The following GLT1D1 variants were observed in gnomAD, a reference collection of about 807,000 sequenced individuals.
The protein encoded by GLT1D1 is glycosyltransferase 1 domain-containing protein 1.
Under a neutral mutation model 28.7 loss-of-function variants are expected in GLT1D1, and 21 were observed. The ratio of observed to expected loss-of-function variants is 0.73; its 90% confidence interval spans 0.52 to 1.05. GLT1D1 has a LOEUF of 1.05. Among genes scored for constraint, GLT1D1 ranks in the 50% least tolerant of loss-of-function variants. The pLI is 0.00. For missense variants in GLT1D1, 343 were observed against 330.6 expected (o/e 1.04, Z -0.29); for synonymous variants, 147 against 124.8 (o/e 1.18, Z -1.19).
rs150457060 is a variant in GLT1D1 at position 128,953,215 on chromosome 12, A to G, written c.541-4330A>G. 3.9e-5 allele frequency among the ~76,000 whole-genome samples: 6 copies of G among 152,278 alleles called. No individual in the cohort carries two copies. In the East Asian group the frequency reaches 1.2e-3, roughly 29 times the overall value. On this transcript the variant is annotated intron_variant, in intron 6 of 7. Coordinates refer to ENST00000281703, the MANE Select transcript of GLT1D1 (RefSeq NM_144669.3). Reference sequence around the variant, plus strand: ...GAGTTGTAAGAGTTCTTTATATATTATAGATACAAATCTCCTATCAGCCTA... The same window carrying G: ...GAGTTGTAAGAGTTCTTTATATATTGTAGATACAAATCTCCTATCAGCCTA...
chr12:128,962,039 C>A (rs1171068673), intron 7 of GLT1D1, among the ~76,000 whole-genome samples: 10 of 151,270 alleles, frequency 6.6e-5, no homozygotes, highest in Non-Finnish European at 1.5e-4. Context: ...CCACCCTTCC[C>A]AGCACTTGTG....
chr12:128,910,264 C>CTTTTTT (rs11361008), intron 4 of GLT1D1, among the ~76,000 whole-genome samples: 1 of 114,294 alleles, frequency 8.7e-6, no homozygotes, highest in African/African-American at 3.3e-5. Flanking sequence ...AAGTTTAACT[C>CTTTTTT]TTTTTTTTTT....
intron 6 of GLT1D1, among the ~76,000 whole-genome samples, chr12:128,950,294 T>C (rs1013686311): frequency 1.1e-4 from 16 of 152,220 alleles, no homozygotes; most frequent in Non-Finnish European, 2.2e-4. Flanking sequence ...ATTCCATGAT[T>C]GAACACTTCA....
chr12:128,944,871 A>G (rs1351368023), intron 4 of GLT1D1: 1 of 360,908 alleles, frequency 2.8e-6, no homozygotes, highest in Admixed American at 4.3e-5. Flanking sequence ...ATAGGTATAC[A>G]TGTGCCATGG....
chr12:128,897,319 T>A (rs1024684768), intron 3 of GLT1D1, among the ~76,000 whole-genome samples: 1 of 152,200 alleles, frequency 6.6e-6, no homozygotes, highest in Admixed American at 6.5e-5. Context: ...CAATTGCACA[T>A]GTTTCTTCCA....
At chr12:128,907,835 G>A (rs953055151) in intron 4 of GLT1D1, among the ~76,000 whole-genome samples, 1 of 152,122 alleles carries the variant, frequency 6.6e-6, no homozygotes, top group African/African-American at 2.4e-5. Context: ...TCAAATGTGT[G>A]GTACCATCAC....
intron 6 of GLT1D1, among the ~76,000 whole-genome samples, chr12:128,954,637 G>T (rs1198248618): frequency 6.6e-6 from 1 of 152,160 alleles, no homozygotes; most frequent in African/African-American, 2.4e-5. Flanking sequence ...AGGGACAGAT[G>T]TAAATTCTGT....
At chr12:128,951,091 G>A (rs1206201564) in intron 6 of GLT1D1, among the ~76,000 whole-genome samples, 4 of 152,130 alleles carry the variant, frequency 2.6e-5, no homozygotes, top group Non-Finnish European at 5.9e-5. Flanking sequence ...CCATCCCACG[G>A]GGTAGATGTG....
At chr12:128,890,157 T>G (rs1053056765) in intron 3 of GLT1D1, among the ~76,000 whole-genome samples, 1 of 152,210 alleles carries the variant, frequency 6.6e-6, no homozygotes, top group Admixed American at 6.5e-5. Context: ...GCTTTAACCC[T>G]GTAGGGAAAG....
intron 4 of GLT1D1, chr12:128,927,111 A>T: frequency 6.5e-7 from 1 of 1,535,852 alleles, no homozygotes; most frequent in African/African-American, 1.4e-5. Flanking sequence ...CAAGCCTGGC[A>T]TCAGGAGGAG....
chr12:128,932,142 C>G (rs1412709203), intron 4 of GLT1D1, among the ~76,000 whole-genome samples: 1 of 152,144 alleles, frequency 6.6e-6, no homozygotes, highest in Non-Finnish European at 1.5e-5. Context: ...GGCTCCTGGC[C>G]GCGATGGAAA....
intron 4 of GLT1D1, among the ~76,000 whole-genome samples, chr12:128,927,635 T>A (rs961639940): frequency 5.9e-5 from 9 of 152,108 alleles, no homozygotes; most frequent in African/African-American, 2.2e-4. Context: ...TTAAAGATCA[T>A]TACAACGGCA....
intron 3 of GLT1D1, 123 bp from the exon 4 acceptor site, chr12:128,899,113 T>C: frequency 1.4e-6 from 1 of 717,578 alleles, no homozygotes; most frequent in Non-Finnish European, 2.4e-6. Context: ...GTAATAAAGA[T>C]TGATTGCATT....
intron 4 of GLT1D1, among the ~76,000 whole-genome samples, chr12:128,932,631 G>A (rs1386452709): frequency 6.6e-6 from 1 of 152,232 alleles, no homozygotes; most frequent in Admixed American, 6.5e-5. Context: ...AACAGGTCAT[G>A]AGCGCCAGGT....
intron 6 of GLT1D1, among the ~76,000 whole-genome samples, chr12:128,948,170 C>T (rs6486738): frequency 6.6e-6 from 1 of 151,976 alleles, no homozygotes; most frequent in Non-Finnish European, 1.5e-5. Flanking sequence ...CTCGCATTCC[C>T]TTTGCAATGG....
At chr12:128,859,581 A>G (rs1436047491) in intron 1 of GLT1D1, among the ~76,000 whole-genome samples, 1 of 152,168 alleles carries the variant, frequency 6.6e-6, no homozygotes, top group Non-Finnish European at 1.5e-5. Context: ...ACATGTGAAC[A>G]GGGCTTTGCT....
intron 1 of GLT1D1, among the ~76,000 whole-genome samples, chr12:128,867,538 C>T (rs1308122657): frequency 6.6e-6 from 1 of 151,638 alleles, no homozygotes; most frequent in African/African-American, 2.4e-5. Context: ...ACAGCAGGTG[C>T]GCTTGGTCAC....
chr12:128,915,315 G>T (rs544687907), intron 4 of GLT1D1, among the ~76,000 whole-genome samples: 1 of 151,406 alleles, frequency 6.6e-6, no homozygotes, highest in Non-Finnish European at 1.5e-5. Context: ...AATTATACAC[G>T]TAGTTAAATT....
chr12:128,917,630 C>G (rs577563211), intron 4 of GLT1D1, among the ~76,000 whole-genome samples: 29 of 152,204 alleles, frequency 1.9e-4, no homozygotes, highest in African/African-American at 6.7e-4. Flanking sequence ...AATTCTCTGC[C>G]CTCAGCAAAC....
Sources: allele counts gnomAD v4.1 joint callset (sites outside exome capture counted in the v4.1 genomes callset), GRCh38; gene constraint gnomAD v4.1.1; transcripts MANE v1.5; gene names NCBI Gene and HGNC (gene_info 2026-07-23, HGNC 2026-07-21).